The following NLRP11 variants were observed in gnomAD, a reference collection of about 807,000 sequenced individuals.
The protein encoded by NLRP11 is NACHT, LRR and PYD domains-containing protein 11.
NLRP11 carries 53 observed loss-of-function variants against 79.3 expected under a neutral mutation model. The ratio of observed to expected loss-of-function variants is 0.67; its 90% CI spans 0.54 to 0.84. NLRP11 has a LOEUF of 0.84. Among genes scored for constraint, NLRP11 ranks in the 40% least tolerant of loss-of-function variants. NLRP11 has a pLI of 0.00. For missense variants in NLRP11, 1,264 were observed against 1,255.0 expected, an observed-to-expected ratio of 1.01 and a Z score of -0.11; for synonymous variants, 518 against 462.6, an observed-to-expected ratio of 1.12 and a Z score of -1.54.
At chr19:55,820,686 CTT>C (rs10560594) in intron 1 of NLRP11, among the ~76,000 whole-genome samples, 6,584 of 152,200 alleles carry the variant, frequency 0.043, 488 homozygotes, top group African/African-American at 0.15. Flanking sequence ...CTTAATCTCT[CTT>C]AACTCAGAAA....
At chr19:55,804,204 G>A (rs1367544442) in intron 4 of NLRP11, among the ~76,000 whole-genome samples, 1 of 152,216 alleles carries the variant, frequency 6.6e-6, no homozygotes, top group Non-Finnish European at 1.5e-5. Context: ...AAGCAGTGTA[G>A]TGATTCCTCA....
rs59605427 is a variant in NLRP11 at position 55,793,556 on chromosome 19, CAAAAAAAAAAA to C, written c.2343-1096_2343-1086del. Among the ~76,000 whole-genome samples, 7 of 35,668 alleles carry C rather than the reference CAAAAAAAAAAA, an allele frequency of 2.0e-4. 1 individual carries two copies. Among genetic ancestry groups the C allele is most frequent in the African/African-American group, 3.7e-4 (3 of 8,208 alleles). 23.4% of individuals were successfully genotyped at this position (35,668 alleles called of 152,430 possible). A position where few individuals can be genotyped will look rare whatever the true frequency, so the allele number is the denominator to read the frequency against. On this transcript the variant is annotated intron_variant, in intron 6 of 9. Coordinates refer to ENST00000589093, the Ensembl canonical transcript of NLRP11. ...GCACTCCAGCCTGGGTGACTGTCTC[CAAAAAAAAAAA>C]AAAAAAAAAAAAAAAAAAAAGTTGA...
chr19:55,809,806 A>T lies in NLRP11; in HGVS notation c.804T>A (p.Ala268=). The T allele has an allele frequency of 6.2e-7, 1 of 1,614,196 alleles. No individual in the cohort carries two copies. The highest frequency in any genetic ancestry group is 1.1e-5 in the South Asian group (1 of 91,080). ...AGGAGATGAGGAACCAGCAGCCTGG[A>T]GCCATTTTTCTCTTCAGCAAACTGA... The change falls in exon 3 of 10, where the codon GCT becomes GCA. Residue 268 remains alanine, a synonymous_variant. Transcript: ENST00000589093. This position sits in a 1 kb window ranked among gnomAD's most constrained non-coding sequence, Gnocchi z 4.5.
Position 55,809,822 on chromosome 19 carries a change from A to G in NLRP11, c.788T>C (p.Leu263Pro). The G allele has an allele frequency of 6.2e-7, 1 of 1,614,194 alleles. No homozygotes were observed. The highest frequency in any genetic ancestry group is 8.5e-7 in the Non-Finnish European group (1 of 1,180,020). The stretch of plus-strand genomic sequence containing the variant: ...GCAGCCTGGAGCCATTTTTCTCTTC[A>G]GCAAACTGACCAGGAGAACTGGAAT... Residue 263 changes from leucine (L) to proline (P), a missense_variant, in exon 3 of 10, where the codon CTG becomes CCG. Physicochemically the swap from Leu to Pro is moderately conservative, Grantham distance 98. Transcript: ENST00000589093. This position sits in a 1 kb window ranked among gnomAD's most constrained non-coding sequence, Gnocchi z 4.5.
intron 9 of NLRP11, among the ~76,000 whole-genome samples, chr19:55,787,877 G>C (rs765650990): frequency 6.6e-5 from 10 of 152,166 alleles, no homozygotes; most frequent in Admixed American, 3.3e-4. Context: ...TACAGGAACT[G>C]AATTCTGCCA....
At chr19:55,833,851 A>G (rs77305938), upstream of NLRP11, among the ~76,000 whole-genome samples, 5,372 of 151,424 alleles carry the variant, frequency 0.035, 126 homozygotes, top group Middle Eastern at 0.065. Flanking sequence ...CCAGAAACCA[A>G]TGTAGGCAAA....
chr19:55,794,170 AG>A (rs1236688913), intron 6 of NLRP11, among the ~76,000 whole-genome samples: 1 of 152,244 alleles, frequency 6.6e-6, no homozygotes, highest in Non-Finnish European at 1.5e-5. Flanking sequence ...ATTATATTGT[AG>A]TGTTGTACAA....
At chr19:55,806,635 G>A (rs866031819) in intron 4 of NLRP11, among the ~76,000 whole-genome samples, 14 of 152,180 alleles carry the variant, frequency 9.2e-5, no homozygotes, top group Middle Eastern at 6.8e-3. Flanking sequence ...ATTTTTAAAC[G>A]CGGTATCCAG....
intron 7 of NLRP11, among the ~76,000 whole-genome samples, chr19:55,790,493 C>T (rs1001975857): frequency 6.6e-6 from 1 of 152,130 alleles, no homozygotes; most frequent in African/African-American, 2.4e-5. Context: ...GTTTTATTTC[C>T]TATCTCCCCC....
chr19:55,809,036 G>A lies in NLRP11; in HGVS notation c.1574C>T (p.Ser525Leu), dbSNP rs765438265. Reference sequence around the variant, plus strand: ...GTCCAAATGTTTCATGTATCCCACCGAGTACCACTTGAAGCTGTCTACCAT... The same window carrying A: ...GTCCAAATGTTTCATGTATCCCACCAAGTACCACTTGAAGCTGTCTACCAT... The change falls in exon 3 of 10, where the codon TCG (serine) becomes TTG (leucine). Residue 525 changes from serine to leucine, a missense_variant. Coordinates refer to ENST00000589093, the Ensembl canonical transcript of NLRP11. The surrounding 1 kb of genome is among the most constrained non-coding windows in gnomAD (Gnocchi z 4.5). The A allele has an allele frequency of 1.7e-5, 27 of 1,613,988 alleles. 1 individual carries two copies. Among genetic ancestry groups the A allele is most frequent in the East Asian group, 1.1e-4 (5 of 44,876 alleles).
chr19:55,798,684 A>G (rs909084611), intron 5 of NLRP11, among the ~76,000 whole-genome samples: 10 of 152,096 alleles, frequency 6.6e-5, no homozygotes, highest in Non-Finnish European at 1.5e-4. Flanking sequence ...AGTTAAGTCT[A>G]CCCTTGTAGT....
intron 4 of NLRP11, among the ~76,000 whole-genome samples, chr19:55,802,394 G>A (rs1356899591): frequency 6.6e-6 from 1 of 152,140 alleles, no homozygotes; most frequent in Admixed American, 6.5e-5. Flanking sequence ...CAAGCTGAGA[G>A]CCAAATCGGA....
intron 6 of NLRP11, among the ~76,000 whole-genome samples, chr19:55,794,812 C>T (rs1978659950): frequency 6.6e-6 from 1 of 151,704 alleles, no homozygotes; most frequent in African/African-American, 2.4e-5. Context: ...ATAATATGAA[C>T]AGGAGTTTCT....
At chr19:55,813,472 G>T (rs1600193519) in intron 2 of NLRP11, among the ~76,000 whole-genome samples, 1 of 152,268 alleles carries the variant, frequency 6.6e-6, no homozygotes, top group Middle Eastern at 3.4e-3. Context: ...AGCTCCATTT[G>T]AGTTTTGTTT....
rs1393359327 is a variant in NLRP11, at chr19:55,809,235, C to T, written c.1375G>A (p.Ala459Thr). ...GGTACTGCCATCAGAAATGCAATGG[C>T]TGTACAAAACTCCTGGACGTTCAAG... The change falls in exon 3 of 10, where the codon GCC (alanine) becomes ACC (threonine). Residue 459 changes from alanine to threonine, a missense_variant. Transcript: ENST00000589093. The surrounding 1 kb of genome is among the most constrained non-coding windows in gnomAD (Gnocchi z 4.5). 6.2e-7 allele frequency: 1 copy of T among 1,613,978 alleles called. No homozygotes were observed. The highest frequency in any genetic ancestry group is 8.5e-7 in the Non-Finnish European group (1 of 1,179,850).
intron 5 of NLRP11, among the ~76,000 whole-genome samples, chr19:55,796,758 C>A (rs1046690568): frequency 2.0e-5 from 3 of 151,686 alleles, no homozygotes; most frequent in Non-Finnish European, 4.4e-5. Flanking sequence ...GCGATCTCGG[C>A]TCACTGCAAC....
At chr19:55,798,890 T>C (rs1979204204) in intron 5 of NLRP11, among the ~76,000 whole-genome samples, 1 of 151,980 alleles carries the variant, frequency 6.6e-6, no homozygotes, top group Non-Finnish European at 1.5e-5. Flanking sequence ...GGGAGATGGG[T>C]TGGTCTATCA....
At chr19:55,813,345 G>A (rs1980788421) in intron 2 of NLRP11, among the ~76,000 whole-genome samples, 1 of 152,090 alleles carries the variant, frequency 6.6e-6, no homozygotes, top group Non-Finnish European at 1.5e-5. Flanking sequence ...TACAGGTCAA[G>A]TAGTTTCTTG....
At chr19:55,817,938 T>G in exon 2 of NLRP11, 4 of 1,611,516 alleles carry the variant, frequency 2.5e-6, no homozygotes, top group Non-Finnish European at 3.4e-6. Flanking sequence ...TACAAAGATC[T>G]TCCTTACGCA....
Sources: gnomAD v4.1 joint callset for allele counts (sites outside exome capture counted in the v4.1 genomes callset) on GRCh38, gnomAD v4.1.1 for gene constraint, Gnocchi (gnomAD v3.1) non-coding constraint, MANE v1.5 for transcripts, NCBI Gene and HGNC (gene_info 2026-07-23, HGNC 2026-07-21) for gene names.